LY6S: variants seen among roughly 807,000 people sequenced by gnomAD.
LY6S encodes lymphocyte antigen 6S.
the LY6S span, among the ~76,000 whole-genome samples, chr8:143,073,520 G>A: frequency 6.7e-6 from 1 of 148,342 alleles, no homozygotes; most frequent in Non-Finnish European, 1.5e-5. Context: ...TGTTTGAGAA[G>A]ACAGCCATCG....
At chr8:143,065,869 T>G in the LY6S span, 1 of 170,476 alleles carries the variant, frequency 5.9e-6, no homozygotes, top group African/African-American at 2.4e-5. Flanking sequence ...CTATTTTGTT[T>G]TCCTCCCGAG....
chr8:143,073,775 G>T, the LY6S span, among the ~76,000 whole-genome samples: 6 of 139,332 alleles, frequency 4.3e-5, no homozygotes, highest in African/African-American at 1.3e-4. Flanking sequence ...ATCGTCCCCG[G>T]GGTCCCTGTT....
At chr8:143,049,489 C>A in the LY6S span, among the ~76,000 whole-genome samples, 1 of 152,168 alleles carries the variant, frequency 6.6e-6, no homozygotes, top group Admixed American at 6.5e-5. Context: ...ACAACGGAAC[C>A]CGGCTTTATG....
At chr8:143,070,671 G>C in the LY6S span, among the ~76,000 whole-genome samples, 1 of 150,578 alleles carries the variant, frequency 6.6e-6, no homozygotes, top group Non-Finnish European at 1.5e-5. Flanking sequence ...ATCTTTAGTA[G>C]AGATGGGGTT....
the LY6S span, among the ~76,000 whole-genome samples, chr8:143,073,461 CGTCCCCGGGGCTCCTGTTTG>C: frequency 6.8e-6 from 1 of 147,088 alleles, no homozygotes; most frequent in Non-Finnish European, 1.5e-5. Context: ...AGACAGCCGT[CGTCCCCGGGGCTCCTGTTTG>C]AGGAGACAGC....
the LY6S span, among the ~76,000 whole-genome samples, chr8:143,070,487 ATAT>A: frequency 7.1e-5 from 6 of 84,068 alleles, no homozygotes; most frequent in African/African-American, 3.8e-4. Context: ...ATATATATAT[ATAT>A]TTTTTTTTTT....
At chr8:143,056,283 T>A in the LY6S span, among the ~76,000 whole-genome samples, 1 of 150,300 alleles carries the variant, frequency 6.7e-6, no homozygotes, top group Admixed American at 6.7e-5. Context: ...AGACTTTAAT[T>A]CCATTTTGTT....
At chr8:143,070,447 T>TATATATATATATA in the LY6S span, among the ~76,000 whole-genome samples, 2 of 28,388 alleles carry the variant, frequency 7.0e-5, no homozygotes, top group African/African-American at 6.0e-4. Context: ...ATATATATTG[T>TATATATATATATA]ATATATATAT....
At chr8:143,069,392 C>A in the LY6S span, among the ~76,000 whole-genome samples, 3 of 152,210 alleles carry the variant, frequency 2.0e-5, no homozygotes, top group Non-Finnish European at 2.9e-5. Flanking sequence ...CCTTTCTCAC[C>A]GTAAATACTC....
At chr8:143,076,336 G>A in the LY6S span, among the ~76,000 whole-genome samples, 1 of 152,178 alleles carries the variant, frequency 6.6e-6, no homozygotes, top group Non-Finnish European at 1.5e-5. Flanking sequence ...CCTCTCTGGG[G>A]TGCCACTGTT....
At chr8:143,072,881 G>A in the LY6S span, among the ~76,000 whole-genome samples, 4 of 99,676 alleles carry the variant, frequency 4.0e-5, no homozygotes, top group Admixed American at 4.0e-4. Flanking sequence ...GGAGACAGCC[G>A]TCGTCCCCGG....
At chr8:143,046,980 G>T in the LY6S span, among the ~76,000 whole-genome samples, 1 of 152,162 alleles carries the variant, frequency 6.6e-6, no homozygotes, top group Middle Eastern at 3.4e-3. Flanking sequence ...CAGCCTGGGT[G>T]ACAAGAGCGA....
chr8:143,040,957 C>T, the LY6S span, among the ~76,000 whole-genome samples: 206 of 152,106 alleles, frequency 1.4e-3, 1 homozygote, highest in African/African-American at 4.8e-3. Flanking sequence ...AGGGAGTGTA[C>T]AAATAGGATG....
the LY6S span, among the ~76,000 whole-genome samples, chr8:143,075,375 AC>A: frequency 6.6e-6 from 1 of 152,048 alleles, no homozygotes; most frequent in African/African-American, 2.4e-5. This position sits in a 1 kb window ranked among gnomAD's most constrained non-coding sequence, Gnocchi z 4.1. Flanking sequence ...CCTCCTACTC[AC>A]CAAATATCAC....
At chr8:143,044,929 C>A in the LY6S span, 1 of 971,956 alleles carries the variant, frequency 1.0e-6, no homozygotes, top group Non-Finnish European at 1.4e-6. Flanking sequence ...CCACCTGGAC[C>A]TTTGCAATAG....
the LY6S span, among the ~76,000 whole-genome samples, chr8:143,046,064 G>A: frequency 6.6e-6 from 1 of 152,002 alleles, no homozygotes; most frequent in African/African-American, 2.4e-5. Flanking sequence ...TGTTGGCCAG[G>A]CTGGTCTCGA....
At chr8:143,058,467 C>T in the LY6S span, among the ~76,000 whole-genome samples, 1 of 152,018 alleles carries the variant, frequency 6.6e-6, no homozygotes, top group East Asian at 1.9e-4. Flanking sequence ...ATAGCTTATG[C>T]CATTATTTCT....
At chr8:143,075,661 G>A in the LY6S span, among the ~76,000 whole-genome samples, 7 of 152,112 alleles carry the variant, frequency 4.6e-5, no homozygotes, top group East Asian at 5.8e-4. This position sits in a 1 kb window ranked among gnomAD's most constrained non-coding sequence, Gnocchi z 4.1. Context: ...CCAAGATCAC[G>A]TCACTGCACT....
chr8:143,041,470 G>A, the LY6S span, among the ~76,000 whole-genome samples: 1 of 152,070 alleles, frequency 6.6e-6, no homozygotes, highest in Non-Finnish European at 1.5e-5. Context: ...TTTTTTCAAG[G>A]TACCCAGATT....
Sources: gnomAD v4.1 joint callset for allele counts (sites outside exome capture counted in the v4.1 genomes callset) on GRCh38, gnomAD v4.1.1 for gene constraint, Gnocchi (gnomAD v3.1) non-coding constraint, MANE v1.5 for transcripts, NCBI Gene and HGNC (gene_info 2026-07-23, HGNC 2026-07-21) for gene names.